Variants in LARP4 observed in about 807,000 individuals in gnomAD.
LARP4 encodes la-related protein 4.
LARP4 carries 29 observed loss-of-function variants against 92.9 expected under a neutral mutation model. The observed-to-expected ratio is 0.31, with a 90% CI of 0.23 to 0.43. The LOEUF (loss-of-function observed/expected upper bound fraction) is 0.43, where lower values mean the gene tolerates loss of function less well. Ranked by LOEUF, LARP4 falls within the 20% of genes least tolerant of loss-of-function variation. The pLI is 1.00. For synonymous variants in LARP4, 279 were observed against 284.1 expected (o/e 0.98, Z 0.18); for missense variants, 732 against 860.0 (o/e 0.85, Z 1.86).
chr12:50,423,183 T>G (rs1342644024), intron 1 of LARP4, among the ~76,000 whole-genome samples: 1 of 152,170 alleles, frequency 6.6e-6, no homozygotes, highest in Non-Finnish European at 1.5e-5. Context: ...TTTTCCTATT[T>G]ACATCCATGC....
intron 1 of LARP4, among the ~76,000 whole-genome samples, chr12:50,404,883 T>G (rs1400487857): frequency 6.6e-6 from 1 of 151,532 alleles, no homozygotes; most frequent in Non-Finnish European, 1.5e-5. Context: ...AGAGATGGGG[T>G]TTCACCATGT....
At chr12:50,422,652 G>T (rs546742694) in intron 1 of LARP4, among the ~76,000 whole-genome samples, 2 of 151,818 alleles carry the variant, frequency 1.3e-5, no homozygotes, top group African/African-American at 2.4e-5. Context: ...TTCCTCATCT[G>T]TTTAAACAGG....
chr12:50,461,898 C>T (rs1955444677), intron 11 of LARP4, among the ~76,000 whole-genome samples: 1 of 152,060 alleles, frequency 6.6e-6, no homozygotes, highest in East Asian at 1.9e-4. Context: ...GCAGAGGTTG[C>T]AGTGAGCCAA....
chr12:50,452,453 A>T (rs1041162265), intron 8 of LARP4, among the ~76,000 whole-genome samples: 4 of 152,152 alleles, frequency 2.6e-5, no homozygotes, highest in Admixed American at 2.0e-4. Flanking sequence ...AAGTGCTGGG[A>T]TTACAGGCAT....
intron 1 of LARP4, among the ~76,000 whole-genome samples, chr12:50,412,086 A>G (rs539688413): frequency 2.0e-5 from 3 of 152,332 alleles, no homozygotes; most frequent in Admixed American, 6.5e-5. Flanking sequence ...TGTCTGTAAA[A>G]TGTGGATGAT....
chr12:50,453,730 A>T, intron 9 of LARP4, 58 bp downstream of exon 9: 1 of 1,193,374 alleles, frequency 8.4e-7, no homozygotes, highest in Non-Finnish European at 1.2e-6. Context: ...CTGAAATTTG[A>T]AGAAATCAGT....
chr12:50,405,729 CTGTT>C (rs567105260), intron 1 of LARP4, among the ~76,000 whole-genome samples: 363 of 152,166 alleles, frequency 2.4e-3, no homozygotes, highest in Middle Eastern at 0.01. Flanking sequence ...GTTTCTGTCT[CTGTT>C]TGAGTTTTTC....
At chr12:50,461,532 A>G (rs1955379150) in intron 11 of LARP4, 185 bp downstream of exon 11, 2 of 610,120 alleles carry the variant, frequency 3.3e-6, no homozygotes, top group South Asian at 2.0e-5. Context: ...TAGAGTGCCC[A>G]TACAGAATAT....
chr12:50,426,732 G>GTGTGTGTGTGTGTGGT (rs1948838581), intron 1 of LARP4, among the ~76,000 whole-genome samples: 8 of 52,108 alleles, frequency 1.5e-4, no homozygotes, highest in Non-Finnish European at 2.3e-4. Flanking sequence ...TGTGTGTGTG[G>GTGTGTGTGTGTGTGGT]TTTTTTTTTT....
rs1953702915 is a variant in LARP4, at chr12:50,453,789, T to C, written c.1017+117T>C. ...GACATTGATGACTTTTTGGCCTTTA[T>C]TTTATTTTATTTTTTGTATTTTTCG... On this transcript the variant is annotated intron_variant, in intron 9 of 15. Transcript: ENST00000398473. 15 of 628,326 alleles carry C rather than the reference T, an allele frequency of 2.4e-5. No homozygotes were observed. In the East Asian group the frequency reaches 4.1e-4, roughly 17 times the overall value. 38.9% of individuals were successfully genotyped at this position (628,326 alleles called of 1,614,324 possible).
intron 10 of LARP4, among the ~76,000 whole-genome samples, chr12:50,459,822 CAAAAAA>C (rs59855735): frequency 1.0e-4 from 10 of 99,868 alleles, no homozygotes; most frequent in Non-Finnish European, 1.3e-4. Flanking sequence ...GACTCCGTAT[CAAAAAA>C]AAAAAAAAAA....
At position 50,474,116 on chromosome 12, in the gene LARP4, T is replaced by C. The variant is rs1957274378; in HGVS notation, c.1785T>C (p.Thr595=). 6.2e-7 allele frequency: 1 copy of C among 1,613,560 alleles called. No homozygotes were observed. The highest frequency in any genetic ancestry group is 1.3e-5 in the African/African-American group (1 of 74,906). Residue 595 remains threonine (T), a synonymous_variant, in exon 15 of 16, where the codon ACT becomes ACC. Coordinates refer to ENST00000398473, the MANE Select transcript of LARP4 (RefSeq NM_052879.5). ...CTACAAAGCCATCGAGGGCAAGTAC[T>C]GCTTCACCATGTAATAATAACATAA... ...PSTTKPSRAS[T]ASPCNNNINA...
chr12:50,429,664 A>T (rs1369741760), intron 3 of LARP4, among the ~76,000 whole-genome samples: 1 of 152,036 alleles, frequency 6.6e-6, no homozygotes, highest in East Asian at 1.9e-4. Flanking sequence ...GTTGAGAGGG[A>T]GTCTCGCTCT....
rs138912344 is a variant in LARP4 at position 50,476,504 on chromosome 12, G to T, written c.*640G>T. The T allele has an allele frequency of 6.6e-6, 1 of 152,214 alleles. No individual in the cohort carries two copies. The highest frequency in any genetic ancestry group is 6.6e-5 in the Admixed American group (1 of 15,248). 9.4% of individuals were successfully genotyped at this position (152,214 alleles called of 1,614,324 possible). A position where few individuals can be genotyped will look rare whatever the true frequency, so the allele number is the denominator to read the frequency against. Reference sequence around the variant, plus strand: ...TTTTTTCTAGTTTGAAATTTAGTCTGTCTTTTTGACCTTACTAATATTTCA... The same window carrying T: ...TTTTTTCTAGTTTGAAATTTAGTCTTTCTTTTTGACCTTACTAATATTTCA... On this transcript the variant is annotated 3_prime_UTR_variant, in exon 16 of 16. Coordinates refer to ENST00000398473, the MANE Select transcript of LARP4 (RefSeq NM_052879.5).
intron 1 of LARP4, among the ~76,000 whole-genome samples, chr12:50,410,715 A>G (rs542105225): frequency 2.6e-4 from 39 of 152,076 alleles, no homozygotes; most frequent in African/African-American, 7.7e-4. Context: ...AGAATTCTTT[A>G]TTTTTAATGA....
chr12:50,459,211 C>G (rs1197287976), intron 10 of LARP4, among the ~76,000 whole-genome samples: 2 of 152,066 alleles, frequency 1.3e-5, no homozygotes, highest in African/African-American at 2.4e-5. Context: ...GTTAGCCAGG[C>G]TGGTCTAGAA....
intron 4 of LARP4, among the ~76,000 whole-genome samples, chr12:50,431,179 A>C (rs914813915): frequency 6.6e-6 from 1 of 152,026 alleles, no homozygotes; most frequent in Non-Finnish European, 1.5e-5. Context: ...GAGGCAGGAG[A>C]ATCACTTGAA....
intron 4 of LARP4, among the ~76,000 whole-genome samples, chr12:50,431,044 G>C (rs921491472): frequency 1.3e-5 from 2 of 152,042 alleles, no homozygotes; most frequent in African/African-American, 4.8e-5. Context: ...TCGGTGGCTG[G>C]ATCACCTGAA....
intron 1 of LARP4, among the ~76,000 whole-genome samples, chr12:50,406,679 T>A (rs181689133): frequency 9.2e-5 from 14 of 152,200 alleles, no homozygotes; most frequent in Admixed American, 8.5e-4. Flanking sequence ...AAAATATTTT[T>A]AATTGTGAAA....
Sources: allele counts gnomAD v4.1 joint callset (sites outside exome capture counted in the v4.1 genomes callset), GRCh38; gene constraint gnomAD v4.1.1; transcripts MANE v1.5; gene names NCBI Gene and HGNC (gene_info 2026-07-23, HGNC 2026-07-21).